Variants in COL4A6 observed in about 807,000 individuals in gnomAD.
COL4A6 encodes the protein collagen type IV alpha 6 chain, also known as collagen alpha-6(IV) chain.
COL4A6 carries 59 observed loss-of-function variants against 126.7 expected under a neutral mutation model. The observed-to-expected ratio is 0.47, with a 90% CI of 0.38 to 0.58. The LOEUF is 0.58. Ranked by LOEUF, COL4A6 falls within the 20% of genes least tolerant of loss-of-function variation. COL4A6 has a pLI of 0.00. For missense variants in COL4A6, 1,285 were observed against 1,337.3 expected, an observed-to-expected ratio of 0.96 and a Z score of 0.61; for synonymous variants, 547 against 496.6, an observed-to-expected ratio of 1.10 and a Z score of -1.35.
rs761636884 is a variant in COL4A6, at chrX:108,182,620, CT to C, written c.1952-1653del. Among the ~76,000 whole-genome samples, 19 of 112,172 alleles carry C rather than the reference CT, an allele frequency of 1.7e-4. No individual in the cohort carries two copies. In the East Asian group the frequency reaches 5.4e-3, roughly 32 times the overall value. ...GCTTCACTGGGAGGGGGTTTTCAAC[CT>C]TGTGCTTGGCTCAGGCCTGGGCTCT... On this transcript the variant is annotated intron_variant, in intron 23 of 44. Coordinates refer to ENST00000334504, the MANE Select transcript of COL4A6 (RefSeq NM_033641.4).
At chrX:108,287,962 G>T (rs2038052937) in intron 3 of COL4A6, among the ~76,000 whole-genome samples, 1 of 111,683 alleles carries the variant, frequency 9.0e-6, no homozygotes, top group African/African-American at 3.3e-5. Context: ...GTTCCTTGTG[G>T]CCTGGTATCC....
chrX:108,221,966 C>T (rs192918630), intron 3 of COL4A6, among the ~76,000 whole-genome samples: 57 of 112,715 alleles, frequency 5.1e-4, no homozygotes, highest in African/African-American at 1.8e-3. Flanking sequence ...CATATACACA[C>T]ATGAATTGCT....
At chrX:108,157,651 T>C (rs2033784392) in intron 44 of COL4A6, among the ~76,000 whole-genome samples, 1 of 111,792 alleles carries the variant, frequency 8.9e-6, no homozygotes, top group African/African-American at 3.3e-5. Flanking sequence ...GAAAATTCAA[T>C]AGGCTTCTGG....
At chrX:108,392,470 A>C (rs2040859552) in intron 2 of COL4A6, among the ~76,000 whole-genome samples, 1 of 110,856 alleles carries the variant, frequency 9.0e-6, no homozygotes, top group South Asian at 3.9e-4. Context: ...AAAAAAAAAA[A>C]CTGTTCTCCA....
Position 108,170,911 on chromosome X carries a change from T to C in COL4A6, c.3284A>G (p.Lys1095Arg). ...QPGESGFKGTKGRDGLIGNIG... is the reference protein window; with the variant it reads ...QPGESGFKGTRGRDGLIGNIG... ...ATTGCCTATTAGTCCATCTCTTCCT[T>C]TTGTGCCTATAAAACCAAGAAAAAT... Residue 1095 changes from lysine to arginine, a missense_variant, in exon 34 of 45, where the codon AAA becomes AGA. Physicochemically the swap from Lys to Arg is conservative, Grantham distance 26. Transcript: ENST00000334504. 8.3e-7 allele frequency: 1 copy of C among 1,207,408 alleles called. No homozygotes were observed. Among genetic ancestry groups the C allele is most frequent in the South Asian group, 1.8e-5 (1 of 56,886 alleles).
chrX:108,171,760 C>G (rs764153321), intron 32 of COL4A6, among the ~76,000 whole-genome samples: 1 of 111,905 alleles, frequency 8.9e-6, no homozygotes, highest in Non-Finnish European at 1.9e-5. Context: ...CAGAATGGAA[C>G]AGTGATGCCA....
intron 3 of COL4A6, among the ~76,000 whole-genome samples, chrX:108,226,921 C>T (rs2036182727): frequency 9.0e-6 from 1 of 111,730 alleles, no homozygotes; most frequent in Non-Finnish European, 1.9e-5. Flanking sequence ...CCACAGTCTG[C>T]CAAATGGTCT....
rs373756838 is a variant in COL4A6 at position 108,400,682 on chromosome X, ATGTG to A, written c.63+37256_63+37259del. Among the ~76,000 whole-genome samples the A allele has an allele frequency of 9.2e-5, 10 of 109,135 alleles. No individual in the cohort carries two copies. The South Asian group carries it at 2.3e-3, about 25-fold the overall frequency. 94.8% of individuals were successfully genotyped at this position (109,135 alleles called of 115,157 possible). A position where few individuals can be genotyped will look rare whatever the true frequency, so the allele number is the denominator to read the frequency against. On this transcript the variant is annotated intron_variant, in intron 2 of 44. Coordinates refer to ENST00000334504, the MANE Select transcript of COL4A6 (RefSeq NM_033641.4). ...TTGAAAAAGGCCCATGTATGTATGT[ATGTG>A]TGTGTGTGTGTGTATGTGTATGAAT...
chrX:108,367,114 C>A (rs759634731), intron 2 of COL4A6, among the ~76,000 whole-genome samples: 2 of 112,301 alleles, frequency 1.8e-5, no homozygotes, highest in African/African-American at 6.5e-5. Flanking sequence ...TCTATCAAAT[C>A]TGATGAAAGT....
intron 2 of COL4A6, among the ~76,000 whole-genome samples, chrX:108,431,246 A>C: frequency 8.9e-6 from 1 of 112,086 alleles, no homozygotes; most frequent in East Asian, 2.8e-4. Context: ...CATAAATAAA[A>C]AGATCAGAGA....
At chrX:108,433,458 A>G (rs1219722526) in intron 2 of COL4A6, among the ~76,000 whole-genome samples, 1 of 111,336 alleles carries the variant, frequency 9.0e-6, no homozygotes, top group Non-Finnish European at 1.9e-5. Flanking sequence ...TGTCACCTAC[A>G]CAGTATAAGA....
At chrX:108,424,423 A>C (rs954092878) in intron 2 of COL4A6, among the ~76,000 whole-genome samples, 1 of 112,203 alleles carries the variant, frequency 8.9e-6, no homozygotes, top group Non-Finnish European at 1.9e-5. Flanking sequence ...TTTCTTTAGA[A>C]GAAATCATAA....
At chrX:108,385,144 G>A (rs1396702946) in intron 2 of COL4A6, among the ~76,000 whole-genome samples, 1 of 109,838 alleles carries the variant, frequency 9.1e-6, no homozygotes, top group Admixed American at 9.8e-5. Flanking sequence ...TATAGAATGG[G>A]AAAAATGTTT....
chrX:108,392,194 C>T (rs1368414776), intron 2 of COL4A6, among the ~76,000 whole-genome samples: 1 of 111,386 alleles, frequency 9.0e-6, no homozygotes, highest in East Asian at 2.8e-4. Flanking sequence ...ATATTTAGGA[C>T]CTCAAATTTG....
At chrX:108,315,950 C>G (rs761771896) in intron 2 of COL4A6, among the ~76,000 whole-genome samples, 1 of 112,041 alleles carries the variant, frequency 8.9e-6, no homozygotes, top group Non-Finnish European at 1.9e-5. Flanking sequence ...TGTTAGAGAT[C>G]AGCATCACTT....
At chrX:108,239,112 G>T (rs1401648988) in intron 3 of COL4A6, among the ~76,000 whole-genome samples, 1 of 112,043 alleles carries the variant, frequency 8.9e-6, no homozygotes, top group Non-Finnish European at 1.9e-5. Context: ...TGCCTTATCA[G>T]TTTTAGACAT....
chrX:108,196,929 C>A, intron 13 of COL4A6, among the ~76,000 whole-genome samples: 1 of 111,857 alleles, frequency 8.9e-6, no homozygotes. Context: ...AATGAGAAAG[C>A]CATATCTTGT....
intron 3 of COL4A6, among the ~76,000 whole-genome samples, chrX:108,287,657 C>T (rs1049139083): frequency 1.8e-5 from 2 of 111,660 alleles, no homozygotes; most frequent in Non-Finnish European, 3.8e-5. Flanking sequence ...TAGTTCTTTC[C>T]CCAGTCTAGG....
chrX:108,278,643 G>A (rs2037694559), intron 3 of COL4A6, among the ~76,000 whole-genome samples: 2 of 108,473 alleles, frequency 1.8e-5, no homozygotes. Flanking sequence ...TACAGAGAAT[G>A]CCACAAAGAT....
Sources: gnomAD v4.1 joint callset for allele counts (sites outside exome capture counted in the v4.1 genomes callset) on GRCh38, gnomAD v4.1.1 for gene constraint, MANE v1.5 for transcripts, NCBI Gene and HGNC (gene_info 2026-07-23, HGNC 2026-07-21) for gene names.